Variants in ABHD2 observed in about 807,000 individuals in gnomAD.
ABHD2 encodes abhydrolase domain containing 2, acylglycerol lipase.
ABHD2 carries 20 observed loss-of-function variants against 48.1 expected under a neutral mutation model. The observed-to-expected ratio is 0.42, with a 90% CI of 0.29 to 0.60. ABHD2 has a LOEUF of 0.60. Among genes scored for constraint, ABHD2 ranks in the 20% least tolerant of loss-of-function variants. ABHD2 has a pLI of 0.24. For synonymous variants in ABHD2, 209 were observed against 214.2 expected, an observed-to-expected ratio of 0.98 and a Z score of 0.21; for missense variants, 405 against 550.9, an observed-to-expected ratio of 0.74 and a Z score of 2.65.
Position 89,188,055 on chromosome 15 carries a change from A to G in ABHD2, c.816-138A>G, listed in dbSNP as rs1293223492. 2 of 651,052 alleles carry G rather than the reference A, an allele frequency of 3.1e-6. No homozygotes were observed. Among genetic ancestry groups the G allele is most frequent in the East Asian group, 2.7e-5 (1 of 36,808 alleles). 40.3% of individuals were successfully genotyped at this position (651,052 alleles called of 1,614,324 possible). ...ACAGCGCCAGCTCATCCTCTGGGAC[A>G]TTCCAAAGGCTAAAGGTTCTATTTC... On this transcript the variant is annotated intron_variant, in intron 7 of 10. Coordinates refer to ENST00000352732, the MANE Select transcript of ABHD2 (RefSeq NM_152924.5). This position sits in a 1 kb window ranked among gnomAD's most constrained non-coding sequence, Gnocchi z 4.1.
At position 89,202,036 on chromosome 15, in the gene ABHD2, C is replaced by A. The variant is rs2051471076; in HGVS notation, c.*6613C>A. 2.6e-6 allele frequency: 1 copy of A among 384,872 alleles called. No individual in the cohort carries two copies. The highest frequency in any genetic ancestry group is 5.6e-5 in the East Asian group (1 of 17,886). The allele number at this position is 384,872 out of a possible 1,614,324, so 23.8% of individuals were successfully genotyped here. A position where few individuals can be genotyped will look rare whatever the true frequency, so the allele number is the denominator to read the frequency against. On this transcript the variant is annotated 3_prime_UTR_variant, in exon 11 of 11. Coordinates refer to ENST00000352732, the MANE Select transcript of ABHD2 (RefSeq NM_152924.5). ...GGTTTTCTGAAACTTAAAATGCTGCCCCGAAAATACTATATTTTTGAGTTT... is the reference window on the plus strand; with the variant it reads ...GGTTTTCTGAAACTTAAAATGCTGCACCGAAAATACTATATTTTTGAGTTT...
At chr15:89,086,060 T>C (rs1438020057), upstream of ABHD2, among the ~76,000 whole-genome samples, 1 of 151,224 alleles carries the variant, frequency 6.6e-6, no homozygotes, top group Non-Finnish European at 1.5e-5. Flanking sequence ...TGAGACAGAG[T>C]CTCACTCTGT....
rs763427038 is a variant in ABHD2, at chr15:89,188,334, C to G, written c.926+31C>G. On this transcript the variant is annotated intron_variant, in intron 8 of 10. Transcript: ENST00000352732. The surrounding 1 kb of genome is among the most constrained non-coding windows in gnomAD (Gnocchi z 4.1). ...TCCGCGCAGGCGGGAGAGGGACGCTCTGGGGCAGGGTGCCAGGCAGGAGGC... is the reference window on the plus strand; with the variant it reads ...TCCGCGCAGGCGGGAGAGGGACGCTGTGGGGCAGGGTGCCAGGCAGGAGGC... 1 of 1,601,624 alleles carries G rather than the reference C, an allele frequency of 6.2e-7. No individual in the cohort carries two copies. Among genetic ancestry groups the G allele is most frequent in the South Asian group, 1.1e-5 (1 of 90,736 alleles).
chr15:89,046,781 TTC>T, the ABHD2 span, among the ~76,000 whole-genome samples: 32 of 152,344 alleles, frequency 2.1e-4, no homozygotes, highest in Admixed American at 1.0e-3. Context: ...TATTTGATTC[TTC>T]TCTCTTTTTT....
intron 1 of ABHD2, among the ~76,000 whole-genome samples, chr15:89,110,031 A>G (rs293383): frequency 0.35 from 52,917 of 152,098 alleles, 9,971 homozygotes; most frequent in Non-Finnish European, 0.44. Context: ...TAATTTAAAT[A>G]CTGTATTGCT....
In ABHD2 at chr15:89,183,677, TA is replaced by T. The variant is rs5814357; in HGVS notation, c.723-1738del. Among the ~76,000 whole-genome samples the T allele has an allele frequency of 6.0e-5, 9 of 150,722 alleles. No individual in the cohort carries two copies. The East Asian group carries it at 1.8e-3, about 29-fold the overall frequency. Reference sequence around the variant, plus strand: ...CAAGCAGTGCCTGTGGTGTTTTCAATAAAAAAAAATCAAGGGCTGCAGCATC... The same window carrying T: ...CAAGCAGTGCCTGTGGTGTTTTCAATAAAAAAAATCAAGGGCTGCAGCATC... On this transcript the variant is annotated intron_variant, in intron 6 of 10. Transcript: ENST00000352732.
intron 10 of ABHD2, among the ~76,000 whole-genome samples, chr15:89,194,940 C>A (rs1014536379): frequency 1.3e-5 from 2 of 152,178 alleles, no homozygotes; most frequent in African/African-American, 4.8e-5. Flanking sequence ...AAGAACTCCA[C>A]AACTGATTCT....
rs1378466662 is a variant in ABHD2 at position 89,175,144 on chromosome 15, A to G, written c.539-668A>G. ...ACTTTTCTTAACACCATGAATCATCATACACATGGGTATAGCATCCCAATT... is the reference window on the plus strand; with the variant it reads ...ACTTTTCTTAACACCATGAATCATCGTACACATGGGTATAGCATCCCAATT... On this transcript the variant is annotated intron_variant, in intron 5 of 10. Transcript: ENST00000352732. The surrounding 1 kb of genome is among the most constrained non-coding windows in gnomAD (Gnocchi z 5.7). Among the ~76,000 whole-genome samples, 1 of 152,266 alleles carries G rather than the reference A, an allele frequency of 6.6e-6. No individual in the cohort carries two copies. The highest frequency in any genetic ancestry group is 1.5e-5 in the Non-Finnish European group (1 of 68,048).
At chr15:89,140,991 C>T (rs1446100404) in intron 3 of ABHD2, among the ~76,000 whole-genome samples, 1 of 150,864 alleles carries the variant, frequency 6.6e-6, no homozygotes, top group Non-Finnish European at 1.5e-5. Context: ...TTTTGTTGGA[C>T]AGAGTCTTAC....
rs577599246 is a variant in ABHD2, at chr15:89,135,122, A to T, written c.195-16555A>T. On this transcript the variant is annotated intron_variant, in intron 3 of 10. Transcript: ENST00000352732. ...TTGCTTAGAAGCATTCAGAATGTCA[A>T]CAAAATGGCTACAACTTTTTCTTTT... Among the ~76,000 whole-genome samples, 5 of 147,756 alleles carry T rather than the reference A, an allele frequency of 3.4e-5. No individual in the cohort carries two copies. In the East Asian group the frequency reaches 1.0e-3, roughly 30 times the overall value.
chr15:89,105,930 G>A (rs2049777308), intron 1 of ABHD2, among the ~76,000 whole-genome samples: 1 of 151,858 alleles, frequency 6.6e-6, no homozygotes, highest in Non-Finnish European at 1.5e-5. Flanking sequence ...TTGAACTCCT[G>A]GGCTCAAGCA....
intron 3 of ABHD2, among the ~76,000 whole-genome samples, chr15:89,123,576 C>CCTTTCTTT (rs1159161716): frequency 7.0e-6 from 1 of 143,288 alleles, no homozygotes; most frequent in African/African-American, 2.6e-5. Context: ...TTTTTTTTCT[C>CCTTTCTTT]CTTTCTTTCT....
chr15:89,169,457 A>G (rs1257358168), intron 5 of ABHD2, among the ~76,000 whole-genome samples: 1 of 152,226 alleles, frequency 6.6e-6, no homozygotes, highest in African/African-American at 2.4e-5. Context: ...CCTCACAGAT[A>G]CAGTGGTGAA....
At chr15:89,076,355 T>C in the ABHD2 span, among the ~76,000 whole-genome samples, 1 of 152,250 alleles carries the variant, frequency 6.6e-6, no homozygotes, top group African/African-American at 2.4e-5. Flanking sequence ...AGACATTCTT[T>C]CATCCATCAG....
At chr15:89,142,179 C>G (rs1403610360) in intron 3 of ABHD2, among the ~76,000 whole-genome samples, 1 of 152,168 alleles carries the variant, frequency 6.6e-6, no homozygotes, top group African/African-American at 2.4e-5. Context: ...GCCTCAGGAT[C>G]CCTGTGGTAA....
intron 2 of ABHD2, among the ~76,000 whole-genome samples, chr15:89,115,370 A>ATGTGTGTG (rs1164718189): frequency 4.0e-5 from 4 of 100,688 alleles, no homozygotes; most frequent in Admixed American, 2.7e-4. Context: ...GTTTGGAGGT[A>ATGTGTGTG]TGTGTGTGTG....
chr15:89,142,594 TC>T (rs2050422353), intron 3 of ABHD2, among the ~76,000 whole-genome samples: 2 of 152,196 alleles, frequency 1.3e-5, no homozygotes, highest in South Asian at 4.1e-4. Flanking sequence ...ATCTGTGAAA[TC>T]ATGAGCCTTA....
At position 89,200,535 on chromosome 15, in the gene ABHD2, G is replaced by A. The variant is rs565122433; in HGVS notation, c.*5112G>A. On this transcript the variant is annotated 3_prime_UTR_variant, in exon 11 of 11. Coordinates refer to ENST00000352732, the MANE Select transcript of ABHD2 (RefSeq NM_152924.5). ...TTTATGAATTTGATAAAGGACTGAA[G>A]TGCAACTGAAAGCTGCTAGTGATGA... 1 of 152,532 alleles carries A rather than the reference G, an allele frequency of 6.6e-6. No individual in the cohort carries two copies. The highest frequency in any genetic ancestry group is 2.4e-5 in the African/African-American group (1 of 41,546). The allele number at this position is 152,532 out of a possible 1,614,324, so 9.4% of individuals were successfully genotyped here. A position where few individuals can be genotyped will look rare whatever the true frequency, so the allele number is the denominator to read the frequency against.
the ABHD2 span, among the ~76,000 whole-genome samples, chr15:89,071,227 C>T: frequency 3.9e-5 from 6 of 152,138 alleles, no homozygotes; most frequent in Non-Finnish European, 7.3e-5. Flanking sequence ...CAAGACCAGC[C>T]TGGCCAACAT....
Sources: gnomAD v4.1 joint callset for allele counts (sites outside exome capture counted in the v4.1 genomes callset) on GRCh38, gnomAD v4.1.1 for gene constraint, Gnocchi (gnomAD v3.1) non-coding constraint, MANE v1.5 for transcripts, NCBI Gene and HGNC (gene_info 2026-07-23, HGNC 2026-07-21) for gene names.